The following PRKCB variants were observed in gnomAD, a reference collection of about 807,000 sequenced individuals.
PRKCB encodes the protein protein kinase C beta type.
In PRKCB, 13 loss-of-function variants were observed where a neutral mutation model predicts 81.5. That is an observed-to-expected ratio of 0.16 (90% confidence interval 0.10 to 0.25). PRKCB has a LOEUF of 0.25. Among genes scored for constraint, PRKCB ranks in the 10% least tolerant of loss-of-function variants. The pLI, the probability that PRKCB is intolerant of heterozygous loss-of-function variation, is 1.00. For missense variants in PRKCB, 509 were observed against 875.7 expected (o/e 0.58, Z 5.29); for synonymous variants, 335 against 321.4 (o/e 1.04, Z -0.45).
At chr16:24,200,946 C>G (rs995317330) in intron 16 of PRKCB, among the ~76,000 whole-genome samples, 1 of 152,064 alleles carries the variant, frequency 6.6e-6, no homozygotes, top group East Asian at 1.9e-4. Context: ...TATTTTGATA[C>G]TGGTCCATGG....
At chr16:24,186,771 C>A (rs1344321606) in intron 15 of PRKCB, among the ~76,000 whole-genome samples, 1 of 152,266 alleles carries the variant, frequency 6.6e-6, no homozygotes, top group Non-Finnish European at 1.5e-5. Flanking sequence ...CTAAAAGCGC[C>A]TTGTCACACT....
intron 2 of PRKCB, among the ~76,000 whole-genome samples, chr16:23,913,968 A>G (rs1227858295): frequency 2.0e-5 from 3 of 151,506 alleles, no homozygotes; most frequent in Non-Finnish European, 4.4e-5. Flanking sequence ...AGGGGTGGGA[A>G]TGCTCCCCAG....
chr16:24,187,013 A>G (rs1407068457), intron 15 of PRKCB, among the ~76,000 whole-genome samples: 1 of 152,236 alleles, frequency 6.6e-6, no homozygotes, highest in East Asian at 1.9e-4. Context: ...CCATAAAGAA[A>G]AAAAAGGCAC....
chr16:23,861,555 T>C (rs1282082783), intron 2 of PRKCB, among the ~76,000 whole-genome samples: 2 of 152,142 alleles, frequency 1.3e-5, no homozygotes, highest in African/African-American at 4.8e-5. Context: ...CTTAACACTG[T>C]CATCAAGCGC....
chr16:24,007,223 A>G (rs1042451459), intron 3 of PRKCB, among the ~76,000 whole-genome samples: 10 of 152,226 alleles, frequency 6.6e-5, no homozygotes, highest in African/African-American at 2.4e-4. Flanking sequence ...GAGTTAACCT[A>G]GATGGTAAGA....
chr16:23,942,485 G>A (rs560643710), intron 2 of PRKCB, among the ~76,000 whole-genome samples: 1 of 152,316 alleles, frequency 6.6e-6, no homozygotes, highest in East Asian at 1.9e-4. Context: ...TTGAGAAATG[G>A]CTTGATGAGG....
chr16:24,091,164 T>C (rs2141899601), intron 5 of PRKCB, among the ~76,000 whole-genome samples: 1 of 152,346 alleles, frequency 6.6e-6, no homozygotes, highest in East Asian at 1.9e-4. Flanking sequence ...GCATTTATCA[T>C]GAACCATGGT....
chr16:24,002,493 C>T (rs1262740649), intron 3 of PRKCB, among the ~76,000 whole-genome samples: 3 of 152,182 alleles, frequency 2.0e-5, no homozygotes, highest in Non-Finnish European at 4.4e-5. Flanking sequence ...GCACCCACCA[C>T]CACGCCTAGC....
intron 2 of PRKCB, among the ~76,000 whole-genome samples, chr16:23,962,269 C>T (rs1015087628): frequency 6.6e-6 from 1 of 152,142 alleles, no homozygotes; most frequent in Admixed American, 6.5e-5. Flanking sequence ...CGCCACCTCC[C>T]ACCTGGTTTC....
At chr16:23,996,760 A>G (rs1340743468) in intron 3 of PRKCB, among the ~76,000 whole-genome samples, 1 of 152,242 alleles carries the variant, frequency 6.6e-6, no homozygotes, top group East Asian at 1.9e-4. Flanking sequence ...TGGTCTTACC[A>G]TGTTCCCCAT....
At chr16:23,892,721 A>G (rs917312649) in intron 2 of PRKCB, among the ~76,000 whole-genome samples, 4 of 152,062 alleles carry the variant, frequency 2.6e-5, no homozygotes, top group African/African-American at 9.7e-5. Context: ...ACTAGTTTGG[A>G]TGGGAGCTCA....
intron 13 of PRKCB, 95 bp downstream of exon 13, chr16:24,181,023 T>C: frequency 6.8e-7 from 1 of 1,464,590 alleles, no homozygotes; most frequent in Non-Finnish European, 9.2e-7. Flanking sequence ...GGGTGGTACC[T>C]TGCAAGGGAA....
chr16:23,939,800 TTC>T (rs1447670453), intron 2 of PRKCB, among the ~76,000 whole-genome samples: 7 of 152,178 alleles, frequency 4.6e-5, no homozygotes, highest in Non-Finnish European at 2.9e-5. Context: ...CAGGGAAAAT[TTC>T]TTAGACTTTA....
At chr16:23,942,559 T>G (rs1964152647) in intron 2 of PRKCB, among the ~76,000 whole-genome samples, 1 of 152,184 alleles carries the variant, frequency 6.6e-6, no homozygotes, top group Admixed American at 6.5e-5. Flanking sequence ...TTTGTCTACT[T>G]TTCTAAGTTT....
chr16:23,925,943 A>T (rs549845939), intron 2 of PRKCB, among the ~76,000 whole-genome samples: 1 of 145,656 alleles, frequency 6.9e-6, no homozygotes, highest in South Asian at 2.1e-4. Context: ...TTTTTTTTTT[A>T]AGATAATGGC....
chr16:23,953,878 A>G (rs918151737), intron 2 of PRKCB, among the ~76,000 whole-genome samples: 3 of 117,810 alleles, frequency 2.5e-5, no homozygotes, highest in Non-Finnish European at 5.1e-5. Flanking sequence ...GTTACAGGGA[A>G]GGCATCCATC....
chr16:24,164,954 C>T (rs918038329), intron 10 of PRKCB, among the ~76,000 whole-genome samples: 2 of 152,174 alleles, frequency 1.3e-5, no homozygotes, highest in Admixed American at 1.3e-4. Flanking sequence ...AGAGGCAGTA[C>T]GTGAGGTCCA....
rs1968297959 is a variant in PRKCB, at chr16:24,220,012, G to A, written c.*5196G>A. 1 of 1,614,180 alleles carries A rather than the reference G, an allele frequency of 6.2e-7. No homozygotes were observed. The highest frequency in any genetic ancestry group is 1.1e-5 in the South Asian group (1 of 91,086). The stretch of plus-strand genomic sequence containing the variant: ...CGACAAAGAGTTCACCAGACAGCCT[G>A]TGGAACTGACCCCCACTGATAAACT... On this transcript the variant is annotated 3_prime_UTR_variant, in exon 17 of 17. Coordinates refer to ENST00000643927, the MANE Select transcript of PRKCB (RefSeq NM_002738.7).
chr16:24,027,851 C>T (rs1437968419), intron 3 of PRKCB, among the ~76,000 whole-genome samples: 2 of 152,142 alleles, frequency 1.3e-5, no homozygotes, highest in African/African-American at 4.8e-5. Flanking sequence ...CTCACTGCAG[C>T]CTTGAACTCT....
Sources: allele counts gnomAD v4.1 joint callset (sites outside exome capture counted in the v4.1 genomes callset), GRCh38; gene constraint gnomAD v4.1.1; transcripts MANE v1.5; gene names NCBI Gene and HGNC (gene_info 2026-07-23, HGNC 2026-07-21).